The following UGGT2 variants were observed in gnomAD, a reference collection of about 807,000 sequenced individuals.
UGGT2 encodes the protein UDP-glucose glycoprotein glucosyltransferase 2, also known as UDP-glucose:glycoprotein glucosyltransferase 2.
UGGT2 carries 180 observed loss-of-function variants against 192.1 expected under a neutral mutation model. The ratio of observed to expected loss-of-function variants is 0.94; its 90% CI spans 0.83 to 1.06. The LOEUF (loss-of-function observed/expected upper bound fraction) is 1.06, where lower values mean the gene tolerates loss of function less well. UGGT2 is among the 50% of genes least tolerant of loss of function. UGGT2 has a pLI of 0.00. For synonymous variants in UGGT2, 580 were observed against 591.0 expected (o/e 0.98, Z 0.27); for missense variants, 1,849 against 1,795.7 (o/e 1.03, Z -0.54).
intron 5 of UGGT2, among the ~76,000 whole-genome samples, chr13:96,000,700 T>C (rs2051771937): frequency 6.6e-6 from 1 of 152,204 alleles, no homozygotes. Context: ...ATAGCCAATT[T>C]CCATTATCAG....
At chr13:95,900,691 C>A in intron 22 of UGGT2, 116 bp downstream of exon 22, 1 of 1,164,932 alleles carries the variant, frequency 8.6e-7, no homozygotes, top group Non-Finnish European at 1.2e-6. Context: ...GTCTTCAGCT[C>A]ATGAACACCG....
At chr13:95,959,360 G>A (rs1329216333) in intron 12 of UGGT2, among the ~76,000 whole-genome samples, 3 of 152,124 alleles carry the variant, frequency 2.0e-5, no homozygotes, top group African/African-American at 7.2e-5. Flanking sequence ...CAGAACAGCA[G>A]CACAGCTGCT....
rs397840382 is a variant in UGGT2 at position 95,833,309 on chromosome 13, CA to C, written c.4402-257del. Among the ~76,000 whole-genome samples, 64 of 150,926 alleles carry C rather than the reference CA, an allele frequency of 4.2e-4. No individual in the cohort carries two copies. In the East Asian group the frequency reaches 4.3e-3, roughly 10 times the overall value. ...ACATTCTGATGACTCATAAGTCTGT[CA>C]AAAAAAAATTATGTAAAACTTTTTG... On this transcript the variant is annotated intron_variant, in intron 37 of 38. Coordinates refer to ENST00000376747, the MANE Select transcript of UGGT2 (RefSeq NM_020121.4).
intron 17 of UGGT2, among the ~76,000 whole-genome samples, chr13:95,930,886 T>C (rs926968785): frequency 1.4e-4 from 21 of 152,164 alleles, no homozygotes; most frequent in African/African-American, 4.8e-4. Context: ...CAGACTTTTA[T>C]GGTGAGTGTT....
chr13:95,856,313 ACT>A lies in UGGT2; in HGVS notation c.3851_3852del (p.Glu1284ValfsTer6), dbSNP rs1566596464. On this transcript the variant is annotated frameshift_variant, in exon 34 of 39. Coordinates refer to ENST00000376747, the MANE Select transcript of UGGT2 (RefSeq NM_020121.4). LOFTEE classifies it high-confidence loss of function. ...FKEVIPHMAK[E>X]YGFRYELVQY... ...TGAACTAGTTCATATCGGAATCCAT[ACT>A]CTTTAGCCATGTGAGGAATTACTTC... The A allele has an allele frequency of 6.2e-7, 1 of 1,610,430 alleles. No homozygotes were observed. Among genetic ancestry groups the A allele is most frequent in the South Asian group, 1.1e-5 (1 of 90,182 alleles).
chr13:95,931,562 G>T (rs1023995648), intron 17 of UGGT2, among the ~76,000 whole-genome samples: 32 of 151,854 alleles, frequency 2.1e-4, no homozygotes, highest in African/African-American at 4.8e-4. Flanking sequence ...GGGTGGGGGT[G>T]GGGGGGAGGC....
chr13:95,913,561 G>C (rs1170513234), intron 20 of UGGT2, among the ~76,000 whole-genome samples: 1 of 152,198 alleles, frequency 6.6e-6, no homozygotes, highest in East Asian at 1.9e-4. Flanking sequence ...AGTTAGAATA[G>C]CAATCATTTA....
chr13:96,052,519 G>A (rs1392035255), intron 1 of UGGT2, among the ~76,000 whole-genome samples: 1 of 152,106 alleles, frequency 6.6e-6, no homozygotes, highest in African/African-American at 2.4e-5. Context: ...CTTATGTGGA[G>A]TCATGGAGTC....
chr13:95,845,182 AT>A (rs949251686), intron 36 of UGGT2, among the ~76,000 whole-genome samples: 6 of 151,360 alleles, frequency 4.0e-5, no homozygotes, highest in African/African-American at 1.2e-4. Context: ...TTTCTTTTAA[AT>A]TTTTTTAGTA....
chr13:95,867,960 T>C (rs1057174659), intron 29 of UGGT2, among the ~76,000 whole-genome samples: 1 of 152,184 alleles, frequency 6.6e-6, no homozygotes. Flanking sequence ...TTATGTATAA[T>C]GCAGTTTTTT....
At chr13:95,820,352 G>C (rs962565173) in intron 38 of UGGT2, among the ~76,000 whole-genome samples, 1 of 152,032 alleles carries the variant, frequency 6.6e-6, no homozygotes, top group Non-Finnish European at 1.5e-5. Context: ...CCCCTAAAAA[G>C]CCCCATGTCC....
chr13:96,047,396 G>A (rs1487011729), intron 1 of UGGT2, among the ~76,000 whole-genome samples: 2 of 152,240 alleles, frequency 1.3e-5, no homozygotes, highest in African/African-American at 2.4e-5. Context: ...CAACAGACCT[G>A]CAGCTGAGGG....
chr13:95,802,882 G>A (rs112418479), intron 38 of UGGT2, among the ~76,000 whole-genome samples: 2,255 of 152,298 alleles, frequency 0.015, 23 homozygotes, highest in Non-Finnish European at 0.022. Flanking sequence ...CGTCCAGGCT[G>A]GAGTGCAGTG....
intron 12 of UGGT2, 68 bp from the exon 13 acceptor site, chr13:95,949,522 T>A: frequency 7.5e-7 from 1 of 1,330,488 alleles, no homozygotes; most frequent in Non-Finnish European, 9.8e-7. Context: ...GCCAGATTTT[T>A]ACTATATCGT....
chr13:95,899,823 T>C (rs1235698610), intron 22 of UGGT2, among the ~76,000 whole-genome samples: 1 of 152,144 alleles, frequency 6.6e-6, no homozygotes, highest in Non-Finnish European at 1.5e-5. Flanking sequence ...CTTTTTACAA[T>C]AAATGGCAGC....
At chr13:95,958,577 A>G (rs531329760) in intron 12 of UGGT2, among the ~76,000 whole-genome samples, 1 of 148,890 alleles carries the variant, frequency 6.7e-6, no homozygotes, top group African/African-American at 2.5e-5. Context: ...TTCAGAGAGG[A>G]TTTTTCCCCT....
intron 12 of UGGT2, among the ~76,000 whole-genome samples, chr13:95,952,374 C>G (rs901266877): frequency 6.6e-6 from 1 of 151,920 alleles, no homozygotes; most frequent in South Asian, 2.1e-4. Flanking sequence ...CAGGACTCCC[C>G]GAGGATACCA....
At chr13:95,880,230 T>C (rs1020018198) in intron 27 of UGGT2, among the ~76,000 whole-genome samples, 1 of 152,254 alleles carries the variant, frequency 6.6e-6, no homozygotes, top group African/African-American at 2.4e-5. Context: ...AACAATTGTC[T>C]GTAAATATGT....
chr13:95,823,194 T>C (rs1885676341), intron 38 of UGGT2, among the ~76,000 whole-genome samples: 1 of 152,098 alleles, frequency 6.6e-6, no homozygotes, highest in Non-Finnish European at 1.5e-5. Flanking sequence ...TTGAGACTTG[T>C]TTTGTGGCCT....
Sources: allele counts gnomAD v4.1 joint callset (sites outside exome capture counted in the v4.1 genomes callset), GRCh38; gene constraint gnomAD v4.1.1; transcripts MANE v1.5; gene names NCBI Gene and HGNC (gene_info 2026-07-23, HGNC 2026-07-21).